Variants in DNM3 observed in about 807,000 individuals in gnomAD.
DNM3 encodes dynamin-3.
DNM3 carries 47 observed loss-of-function variants against 101.6 expected under a neutral mutation model. The ratio of observed to expected loss-of-function variants is 0.46; its 90% CI spans 0.37 to 0.59. The LOEUF is 0.59. Ranked by LOEUF, DNM3 falls within the 20% of genes least tolerant of loss-of-function variation. DNM3 has a pLI of 0.00. For missense variants in DNM3, 849 were observed against 1,085.7 expected (o/e 0.78, Z 3.06); for synonymous variants, 385 against 387.9 (o/e 0.99, Z 0.09).
At chr1:172,293,006 T>C (rs1209129953) in intron 15 of DNM3, among the ~76,000 whole-genome samples, 1 of 152,234 alleles carries the variant, frequency 6.6e-6, no homozygotes. Flanking sequence ...GTCCTCCTCA[T>C]GTAATACATG....
At chr1:172,189,946 G>C (rs2059647883) in intron 14 of DNM3, among the ~76,000 whole-genome samples, 1 of 151,594 alleles carries the variant, frequency 6.6e-6, no homozygotes, top group Admixed American at 6.6e-5. Flanking sequence ...CATTCATGAG[G>C]GTTCCATCAC....
chr1:172,038,027 C>G (rs2049094181), intron 6 of DNM3, among the ~76,000 whole-genome samples: 2 of 152,092 alleles, frequency 1.3e-5, no homozygotes, highest in South Asian at 4.1e-4. Flanking sequence ...ATTGGGCAGC[C>G]TCATTAGTAA....
At chr1:172,188,541 G>T (rs1485623700) in intron 14 of DNM3, among the ~76,000 whole-genome samples, 1 of 151,980 alleles carries the variant, frequency 6.6e-6, no homozygotes, top group African/African-American at 2.4e-5. Flanking sequence ...ATATTCCATT[G>T]TCTGGTTGTA....
chr1:172,256,573 CT>C (rs920834850), intron 15 of DNM3, among the ~76,000 whole-genome samples: 2 of 151,876 alleles, frequency 1.3e-5, no homozygotes, highest in Admixed American at 6.6e-5. Flanking sequence ...TAATCCTTAT[CT>C]TTTTTTATGA....
chr1:172,013,832 A>G (rs904383177), intron 4 of DNM3, among the ~76,000 whole-genome samples: 1 of 152,166 alleles, frequency 6.6e-6, no homozygotes, highest in Non-Finnish European at 1.5e-5. Context: ...TTGTTGAGAA[A>G]TGAAGCTGGT....
chr1:172,215,506 G>A (rs2060660950), intron 14 of DNM3, among the ~76,000 whole-genome samples: 1 of 151,986 alleles, frequency 6.6e-6, no homozygotes, highest in Non-Finnish European at 1.5e-5. Context: ...ATGTATGTAT[G>A]TTTTAAATTA....
At chr1:171,968,896 GT>G (rs2043793016) in intron 2 of DNM3, among the ~76,000 whole-genome samples, 1 of 152,178 alleles carries the variant, frequency 6.6e-6, no homozygotes. Context: ...TTATGCTATT[GT>G]TGTGTTCTTC....
chr1:172,399,714 AAAAT>A (rs2070317610), intron 20 of DNM3: 3 of 152,186 alleles, frequency 2.0e-5, no homozygotes, highest in Admixed American at 2.0e-4. Flanking sequence ...GATTTAAAAA[AAAAT>A]AACTGGGACG....
chr1:172,215,339 T>C (rs777086102), intron 14 of DNM3, among the ~76,000 whole-genome samples: 9 of 152,138 alleles, frequency 5.9e-5, no homozygotes, highest in Non-Finnish European at 1.2e-4. Flanking sequence ...TTCTTGGTTA[T>C]AAGTAGTATG....
chr1:171,967,698 C>A (rs2043687848), intron 2 of DNM3, among the ~76,000 whole-genome samples: 2 of 152,138 alleles, frequency 1.3e-5, no homozygotes, highest in South Asian at 4.2e-4. Flanking sequence ...TTCATCTGTT[C>A]TTCTGAGTGC....
At chr1:172,288,895 C>G (rs954204360) in intron 15 of DNM3, among the ~76,000 whole-genome samples, 1 of 152,148 alleles carries the variant, frequency 6.6e-6, no homozygotes, top group African/African-American at 2.4e-5. Context: ...CAAGTAGTCT[C>G]TTAGTATTTC....
In DNM3 at chr1:171,846,908, C is replaced by T. The variant is rs1385043080; in HGVS notation, c.161+5091C>T. On this transcript the variant is annotated intron_variant, in intron 1 of 20. Transcript: ENST00000627582. ...TGGATTCTGCTAGATACTTTTCATA[C>T]CTTCTATTCCTTACCTGTTTCCATA... is the stretch of plus-strand genomic sequence containing the variant. Among the ~76,000 whole-genome samples the T allele has an allele frequency of 5.3e-5, 8 of 152,196 alleles. No individual in the cohort carries two copies. The East Asian group carries it at 1.5e-3, about 29-fold the overall frequency.
At chr1:172,180,555 A>G (rs1439831033) in intron 14 of DNM3, among the ~76,000 whole-genome samples, 2 of 152,130 alleles carry the variant, frequency 1.3e-5, no homozygotes, top group Admixed American at 1.3e-4. Flanking sequence ...AGTGTGATTT[A>G]GGTAAAACTT....
chr1:172,239,830 A>C (rs2061685670), intron 14 of DNM3, among the ~76,000 whole-genome samples: 1 of 90,362 alleles, frequency 1.1e-5, no homozygotes, highest in Non-Finnish European at 2.0e-5. Context: ...TGTAGTGGGC[A>C]GGCTAGGAGG....
intron 4 of DNM3, among the ~76,000 whole-genome samples, chr1:172,024,902 A>G (rs747298194): frequency 1.3e-5 from 2 of 152,220 alleles, no homozygotes; most frequent in African/African-American, 2.4e-5. Context: ...AGCTAGCTGC[A>G]GCAGTTTTTT....
intron 17 of DNM3, among the ~76,000 whole-genome samples, chr1:172,351,113 A>G (rs2148984072): frequency 6.6e-6 from 1 of 152,278 alleles, no homozygotes; most frequent in East Asian, 1.9e-4. Flanking sequence ...TTAGTATCTT[A>G]GGAAGGAAAA....
Position 171,908,431 on chromosome 1 carries a change from C to A in DNM3, c.162-13317C>A, listed in dbSNP as rs10913953. 8.0e-3 allele frequency among the ~76,000 whole-genome samples: 1,220 copies of A among 152,120 alleles called. 24 individuals carry two copies. Among genetic ancestry groups the A allele is most frequent in the African/African-American group, 0.028 (1,165 of 41,506 alleles). On this transcript the variant is annotated intron_variant, in intron 1 of 20. Coordinates refer to ENST00000627582, the MANE Select transcript of DNM3 (RefSeq NM_015569.5). ...ATAATTATAAGTGCTTATATTTTGTCAATATTATTTGCTAATGGTAGAACT... is the reference window on the plus strand; with the variant it reads ...ATAATTATAAGTGCTTATATTTTGTAAATATTATTTGCTAATGGTAGAACT...
chr1:172,388,579 T>C lies in DNM3; in HGVS notation c.2292T>C (p.Pro764=), dbSNP rs570674394. 5.6e-6 allele frequency: 9 copies of C among 1,613,702 alleles called. No individual in the cohort carries two copies. The East Asian group carries it at 1.8e-4, about 32-fold the overall frequency. Residue 764 remains proline, a synonymous_variant, in exon 20 of 21, where the codon CCT becomes CCC. Coordinates refer to ENST00000627582, the MANE Select transcript of DNM3 (RefSeq NM_015569.5). ...GATTTCTCTTTTTCCTCAGGTCACC[T>C]CCTCCAAGCCCCACAACCCAAAGGA... The part of the protein sequence containing the change: ...DSWIQHSRRS[P]PPSPTTQRRP...
At chr1:171,942,393 AG>A (rs2041878879) in intron 2 of DNM3, among the ~76,000 whole-genome samples, 1 of 152,110 alleles carries the variant, frequency 6.6e-6, no homozygotes, top group Non-Finnish European at 1.5e-5. Context: ...CTTTTATGTA[AG>A]GAAATAAGCA....
Sources: gnomAD v4.1 joint callset for allele counts (sites outside exome capture counted in the v4.1 genomes callset) on GRCh38, gnomAD v4.1.1 for gene constraint, MANE v1.5 for transcripts, NCBI Gene and HGNC (gene_info 2026-07-23, HGNC 2026-07-21) for gene names.